CACNA2D3: variants seen among roughly 807,000 people sequenced by gnomAD.
CACNA2D3 encodes the protein calcium voltage-gated channel auxiliary subunit alpha2delta 3.
In CACNA2D3, 60 loss-of-function variants were observed where a neutral mutation model predicts 160.6. The observed-to-expected ratio is 0.37, with a 90% CI of 0.30 to 0.46. The LOEUF is 0.46. CACNA2D3 is among the 20% of genes least tolerant of loss of function. The probability of loss-of-function intolerance (pLI) is 1.00; values close to 1 mark genes in which losing one functional copy is unlikely to be tolerated. For synonymous variants in CACNA2D3, 558 were observed against 492.9 expected, an observed-to-expected ratio of 1.13 and a Z score of -1.75; for missense variants, 1,205 against 1,365.0, an observed-to-expected ratio of 0.88 and a Z score of 1.85.
intron 27 of CACNA2D3, among the ~76,000 whole-genome samples, chr3:54,964,048 G>C (rs1205804129): frequency 2.0e-5 from 3 of 152,178 alleles, no homozygotes; most frequent in Non-Finnish European, 4.4e-5. Context: ...CACATGAAAG[G>C]ATTCTGGGCT....
intron 5 of CACNA2D3, among the ~76,000 whole-genome samples, chr3:54,542,852 CAATATT>C (rs1190031915): frequency 1.3e-5 from 2 of 151,892 alleles, no homozygotes; most frequent in African/African-American, 2.4e-5. Flanking sequence ...AGTTGACACT[CAATATT>C]AAGGAACACA....
intron 11 of CACNA2D3, among the ~76,000 whole-genome samples, chr3:54,719,265 T>C (rs1467487914): frequency 6.6e-6 from 1 of 151,726 alleles, no homozygotes; most frequent in Non-Finnish European, 1.5e-5. Context: ...GATGAATGCT[T>C]TTACTAGTTT....
intron 2 of CACNA2D3, among the ~76,000 whole-genome samples, chr3:54,241,899 G>T (rs1228802566): frequency 6.6e-6 from 1 of 152,162 alleles, no homozygotes; most frequent in Non-Finnish European, 1.5e-5. Flanking sequence ...ATATGATGAT[G>T]ATAAGAATAC....
At chr3:54,837,680 G>A (rs576307544) in intron 15 of CACNA2D3, among the ~76,000 whole-genome samples, 1 of 152,268 alleles carries the variant, frequency 6.6e-6, no homozygotes, top group East Asian at 1.9e-4. Context: ...AGGTTCTAGG[G>A]AAGAATTTCT....
Position 54,128,532 on chromosome 3 carries a change from C to T in CACNA2D3, c.204+4938C>T, listed in dbSNP as rs549244927. Among the ~76,000 whole-genome samples the T allele has an allele frequency of 2.6e-5, 4 of 152,286 alleles. No homozygotes were observed. The East Asian group carries it at 5.8e-4, about 22-fold the overall frequency. On this transcript the variant is annotated intron_variant, in intron 2 of 37. Coordinates refer to ENST00000474759, the MANE Select transcript of CACNA2D3 (RefSeq NM_018398.3). Reference sequence around the variant, plus strand: ...CTACCTAAAGAAGTGTACATTTTCACGAAGGAGCCTGTATTTCAGGCCTGT... The same window carrying T: ...CTACCTAAAGAAGTGTACATTTTCATGAAGGAGCCTGTATTTCAGGCCTGT...
At chr3:54,520,666 T>C (rs1030906947) in intron 5 of CACNA2D3, among the ~76,000 whole-genome samples, 1 of 152,248 alleles carries the variant, frequency 6.6e-6, no homozygotes. Context: ...TCAGTGGTTT[T>C]AGTGTATTCA....
intron 8 of CACNA2D3, among the ~76,000 whole-genome samples, chr3:54,572,928 C>T (rs1185504390): frequency 2.6e-5 from 4 of 152,098 alleles, no homozygotes; most frequent in Non-Finnish European, 4.4e-5. Context: ...CAAAACCAAT[C>T]GATTGAAATA....
chr3:54,912,407 G>T (rs896903806), intron 27 of CACNA2D3, among the ~76,000 whole-genome samples: 13 of 152,040 alleles, frequency 8.6e-5, no homozygotes, highest in Non-Finnish European at 1.6e-4. Flanking sequence ...TACATGATTT[G>T]ACCCCTATTA....
intron 29 of CACNA2D3, among the ~76,000 whole-genome samples, chr3:54,975,300 C>T (rs1449681688): frequency 1.3e-5 from 2 of 152,126 alleles, no homozygotes; most frequent in East Asian, 3.8e-4. Context: ...AGGCAGATCA[C>T]TTGAGGTCAG....
intron 27 of CACNA2D3, among the ~76,000 whole-genome samples, chr3:54,957,740 G>A (rs186609993): frequency 6.6e-6 from 1 of 152,146 alleles, no homozygotes; most frequent in Non-Finnish European, 1.5e-5. Context: ...CATCCCTGGT[G>A]CCCATTGCTC....
chr3:54,329,456 C>T (rs972839952), intron 3 of CACNA2D3, among the ~76,000 whole-genome samples: 15 of 152,224 alleles, frequency 9.9e-5, no homozygotes, highest in Admixed American at 9.2e-4. Context: ...TAGAGCTCAA[C>T]TGCAAAGCAA....
At chr3:54,430,406 T>C (rs979145690) in intron 4 of CACNA2D3, among the ~76,000 whole-genome samples, 12 of 152,362 alleles carry the variant, frequency 7.9e-5, no homozygotes, top group African/African-American at 2.4e-4. Flanking sequence ...CAGAATTCTC[T>C]ATGCGGATAT....
At chr3:54,323,572 T>G (rs892945983) in intron 3 of CACNA2D3, among the ~76,000 whole-genome samples, 9 of 151,934 alleles carry the variant, frequency 5.9e-5, no homozygotes, top group African/African-American at 2.2e-4. Flanking sequence ...GTTCACGCCT[T>G]TCTCCTGCCT....
chr3:54,716,230 C>T (rs1010395364), intron 11 of CACNA2D3, among the ~76,000 whole-genome samples: 3 of 152,028 alleles, frequency 2.0e-5, no homozygotes, highest in Non-Finnish European at 2.9e-5. Context: ...AAGTGCAAAC[C>T]AAAAAGCATG....
intron 4 of CACNA2D3, among the ~76,000 whole-genome samples, chr3:54,468,751 G>A (rs994516352): frequency 1.8e-4 from 27 of 152,140 alleles, no homozygotes; most frequent in Non-Finnish European, 3.1e-4. Context: ...GGGGAGGTGC[G>A]TCTGCCATTA....
chr3:54,622,847 G>A (rs577759941), intron 9 of CACNA2D3, among the ~76,000 whole-genome samples: 41 of 152,258 alleles, frequency 2.7e-4, no homozygotes, highest in Admixed American at 1.5e-3. Context: ...GCCATGGGTC[G>A]TCAAAGCACT....
intron 4 of CACNA2D3, among the ~76,000 whole-genome samples, chr3:54,461,088 G>A (rs1700495461): frequency 6.6e-6 from 1 of 151,964 alleles, no homozygotes; most frequent in African/African-American, 2.4e-5. Context: ...TTATTGATTT[G>A]CGTATATTGA....
Position 54,399,692 on chromosome 3 carries a change from C to T in CACNA2D3, c.381+12918C>T, listed in dbSNP as rs1350971286. On this transcript the variant is annotated intron_variant, in intron 4 of 37. Coordinates refer to ENST00000474759, the MANE Select transcript of CACNA2D3 (RefSeq NM_018398.3). ...CTGCCCGTTCTCAGATCTCCAGCTG[C>T]GTGCTGGGAGAACCACTGCTCTCTT... 1.1e-4 allele frequency among the ~76,000 whole-genome samples: 3 copies of T among 27,042 alleles called. No homozygotes were observed. The South Asian group carries it at 6.7e-3, about 60-fold the overall frequency. 17.7% of individuals were successfully genotyped at this position (27,042 alleles called of 152,430 possible). A position where few individuals can be genotyped will look rare whatever the true frequency, so the allele number is the denominator to read the frequency against.
At chr3:54,858,396 A>G (rs1337240754) in intron 17 of CACNA2D3, among the ~76,000 whole-genome samples, 6 of 152,200 alleles carry the variant, frequency 3.9e-5, no homozygotes, top group African/African-American at 1.4e-4. Flanking sequence ...CACCGGGGGT[A>G]GGAATACACA....
Sources: allele counts gnomAD v4.1 joint callset (sites outside exome capture counted in the v4.1 genomes callset), GRCh38; gene constraint gnomAD v4.1.1; transcripts MANE v1.5; gene names NCBI Gene and HGNC (gene_info 2026-07-23, HGNC 2026-07-21).